Variants in PRDM11 observed in about 807,000 individuals in gnomAD.
PRDM11 encodes the protein PR domain-containing protein 11.
Under a neutral mutation model 97.8 loss-of-function variants are expected in PRDM11, and 20 were observed. The ratio of observed to expected loss-of-function variants is 0.20; its 90% CI spans 0.14 to 0.30. The LOEUF is 0.30. Ranked by LOEUF, PRDM11 falls within the 10% of genes least tolerant of loss-of-function variation. PRDM11 has a pLI of 1.00. For synonymous variants in PRDM11, 599 were observed against 637.7 expected (o/e 0.94, Z 0.91); for missense variants, 1,139 against 1,555.2 (o/e 0.73, Z 4.50).
intron 1 of PRDM11, among the ~76,000 whole-genome samples, chr11:45,151,294 A>C (rs1281159416): frequency 6.6e-6 from 1 of 152,234 alleles, no homozygotes; most frequent in Admixed American, 6.5e-5. Flanking sequence ...GCTTCCCGAC[A>C]GCTGACCCTG....
Position 45,228,265 on chromosome 11 carries a change from TTATA to T in PRDM11, c.*123_*126del, listed in dbSNP as rs371239644. ...ATATATTATATTATATTATATTATA[TTATA>T]TATATATATATATATAAACTCACAC... On this transcript the variant is annotated 3_prime_UTR_variant, in exon 8 of 8. Coordinates refer to ENST00000683152, the MANE Select transcript of PRDM11 (RefSeq NM_001384648.1). The T allele has an allele frequency of 2.4e-4, 29 of 119,522 alleles. No homozygotes were observed. Among genetic ancestry groups the T allele is most frequent in the African/African-American group, 9.7e-4 (18 of 18,632 alleles). The allele number at this position is 119,522 out of a possible 1,614,324, so 7.4% of individuals were successfully genotyped here.
At chr11:45,223,881 T>G (rs1590475534) in intron 6 of PRDM11, among the ~76,000 whole-genome samples, 1 of 152,148 alleles carries the variant, frequency 6.6e-6, no homozygotes, top group East Asian at 1.9e-4. Context: ...CCACCCAGTG[T>G]GATTAAGTGG....
intron 1 of PRDM11, chr11:45,147,493 G>A (rs1851550129): frequency 6.6e-6 from 1 of 152,280 alleles, no homozygotes; most frequent in African/African-American, 2.4e-5. Context: ...GGGCATTTCT[G>A]GAATGCGTTT....
intron 1 of PRDM11, among the ~76,000 whole-genome samples, chr11:45,116,084 T>C (rs1852296969): frequency 6.6e-6 from 1 of 151,982 alleles, no homozygotes; most frequent in South Asian, 2.1e-4. Flanking sequence ...CAGAAAGGTG[T>C]AACAATTACA....
rs546790697 is a variant in PRDM11, at chr11:45,207,223, G to A, written c.554+2445G>A. Among the ~76,000 whole-genome samples, 15 of 152,328 alleles carry A rather than the reference G, an allele frequency of 9.8e-5. No homozygotes were observed. The East Asian group carries it at 1.9e-3, about 20-fold the overall frequency. On this transcript the variant is annotated intron_variant, in intron 5 of 7. Transcript: ENST00000683152. ...TCCCTTCATGTCCAGCTTCCGTGGT[G>A]TGGCTCTTTCTGACTTGCAGATGCT...
upstream of PRDM11, among the ~76,000 whole-genome samples, chr11:45,144,590 ACTT>A (rs1490626146): frequency 2.6e-5 from 4 of 151,894 alleles, no homozygotes; most frequent in Admixed American, 2.6e-4. Flanking sequence ...TCCTTTATCT[ACTT>A]CTCTTTTTGC....
In PRDM11 at chr11:45,219,309, G is replaced by A. The variant is rs1272345736; in HGVS notation, c.555-261G>A. Among the ~76,000 whole-genome samples the A allele has an allele frequency of 1.3e-5, 2 of 152,186 alleles. No individual in the cohort carries two copies. Among genetic ancestry groups the A allele is most frequent in the African/African-American group, 4.8e-5 (2 of 41,454 alleles). On this transcript the variant is annotated intron_variant, in intron 5 of 7. Transcript: ENST00000683152. This position sits in a 1 kb window ranked among gnomAD's most constrained non-coding sequence, Gnocchi z 4.2. ...ATGGTGTGAGGCAGGCAGGGCAGGTGTCATATCCAGTCTCAGAAAACAGAG... is the reference window on the plus strand; with the variant it reads ...ATGGTGTGAGGCAGGCAGGGCAGGTATCATATCCAGTCTCAGAAAACAGAG...
chr11:45,225,232 A>C, intron 7 of PRDM11: 1 of 845,698 alleles, frequency 1.2e-6, no homozygotes, highest in Non-Finnish European at 1.5e-6. Flanking sequence ...GGCTTCCCTA[A>C]CTTAGTCCAG....
intron 5 of PRDM11, among the ~76,000 whole-genome samples, chr11:45,206,514 T>C (rs1853516826): frequency 6.6e-6 from 1 of 152,186 alleles, no homozygotes; most frequent in Non-Finnish European, 1.5e-5. Flanking sequence ...GAATCAGGCT[T>C]TCTGTGCTAT....
upstream of PRDM11, among the ~76,000 whole-genome samples, chr11:45,094,867 A>C (rs1237078136): frequency 2.4e-5 from 3 of 122,498 alleles, no homozygotes; most frequent in African/African-American, 1.0e-4. Flanking sequence ...GGAGGGAAGG[A>C]AGGGAAGGAA....
intron 1 of PRDM11, among the ~76,000 whole-genome samples, chr11:45,139,881 G>A (rs1401851985): frequency 6.6e-6 from 1 of 152,128 alleles, no homozygotes; most frequent in Non-Finnish European, 1.5e-5. Context: ...TAGAAATGGA[G>A]GGATGAGTTC....
At chr11:45,114,876 C>CA (rs1475445137) in intron 1 of PRDM11, among the ~76,000 whole-genome samples, 2 of 151,568 alleles carry the variant, frequency 1.3e-5, no homozygotes, top group African/African-American at 2.4e-5. Context: ...CATGGGGAAA[C>CA]AAAGATATTT....
chr11:45,187,951 G>A (rs1023433868), intron 4 of PRDM11, among the ~76,000 whole-genome samples: 12 of 152,054 alleles, frequency 7.9e-5, no homozygotes, highest in Non-Finnish European at 1.8e-4. Context: ...GGAAGGTGGG[G>A]TGAACAGTGG....
Position 45,168,316 on chromosome 11 carries a change from AGGG to A in PRDM11, c.-6-13443_-6-13441del, listed in dbSNP as rs1852117834. The stretch of plus-strand genomic sequence containing the variant: ...CTCCTCTGGGTCCTGTGGTCCAGAC[AGGG>A]GTCCCCTTTCCTTGTAACCAAAACA... On this transcript the variant is annotated intron_variant, in intron 1 of 7. Transcript: ENST00000683152. Among the ~76,000 whole-genome samples the A allele has an allele frequency of 2.0e-5, 3 of 152,194 alleles. 1 individual carries two copies. In the South Asian group the frequency reaches 6.2e-4, roughly 32 times the overall value.
intron 4 of PRDM11, among the ~76,000 whole-genome samples, chr11:45,195,636 C>T (rs1388939494): frequency 6.6e-6 from 1 of 151,668 alleles, no homozygotes; most frequent in Non-Finnish European, 1.5e-5. Flanking sequence ...TGCAGTAGCT[C>T]GATCTTGGCT....
chr11:45,194,894 G>A (rs996606007), intron 4 of PRDM11, among the ~76,000 whole-genome samples: 36 of 152,150 alleles, frequency 2.4e-4, no homozygotes, highest in African/African-American at 6.5e-4. Flanking sequence ...CACCGCGCCC[G>A]GCCAGTTATT....
upstream of PRDM11, chr11:45,095,805 A>G (rs777750819): frequency 2.0e-5 from 15 of 760,864 alleles, no homozygotes; most frequent in African/African-American, 2.2e-4. Context: ...GGTAGGGTTC[A>G]ATGTTGAAGA....
At chr11:45,193,455 A>T (rs1478950318) in intron 4 of PRDM11, among the ~76,000 whole-genome samples, 2 of 152,216 alleles carry the variant, frequency 1.3e-5, no homozygotes, top group African/African-American at 4.8e-5. Context: ...AAAGGGCTAG[A>T]TAGTGAATAT....
intron 6 of PRDM11, among the ~76,000 whole-genome samples, chr11:45,220,108 G>C (rs1199738778): frequency 6.6e-6 from 1 of 152,132 alleles, no homozygotes; most frequent in Non-Finnish European, 1.5e-5. Context: ...CCTCAATAAT[G>C]ATCGTAATAA....
Sources: gnomAD v4.1 joint callset for allele counts (sites outside exome capture counted in the v4.1 genomes callset) on GRCh38, gnomAD v4.1.1 for gene constraint, Gnocchi (gnomAD v3.1) non-coding constraint, MANE v1.5 for transcripts, NCBI Gene and HGNC (gene_info 2026-07-23, HGNC 2026-07-21) for gene names.